DPP6: variants seen among roughly 807,000 people sequenced by gnomAD.
DPP6 encodes the protein A-type potassium channel modulatory protein DPP6.
In DPP6, 69 loss-of-function variants were observed where a neutral mutation model predicts 122.6. That is an observed-to-expected ratio of 0.56 (90% CI 0.46 to 0.69). DPP6 has a LOEUF of 0.69. Ranked by LOEUF, DPP6 falls within the 30% of genes least tolerant of loss-of-function variation. The pLI is 0.00. For synonymous variants in DPP6, 418 were observed against 433.1 expected (o/e 0.97, Z 0.43); for missense variants, 928 against 1,116.9 (o/e 0.83, Z 2.41).
chr7:154,608,320 C>CATAT lies in DPP6; in HGVS notation c.628-29482_628-29479dup, dbSNP rs35662023. ...CATGCTTGCATTTTTTAGGAGTGATCATATATATATATATATATATATTTT... is the reference window on the plus strand; with the variant it reads ...CATGCTTGCATTTTTTAGGAGTGATCATATATATATATATATATATATATATTTT... On this transcript the variant is annotated intron_variant, in intron 5 of 25. Coordinates refer to ENST00000377770, the MANE Select transcript of DPP6 (RefSeq NM_130797.4). 2.0e-4 allele frequency among the ~76,000 whole-genome samples: 18 copies of CATAT among 90,002 alleles called. 1 individual carries two copies. The highest frequency in any genetic ancestry group is 1.1e-3 in the Admixed American group (8 of 7,200). The allele number at this position is 90,002 out of a possible 152,430, so 59.0% of individuals were successfully genotyped here. A position where few individuals can be genotyped will look rare whatever the true frequency, so the allele number is the denominator to read the frequency against.
intron 1 of DPP6, among the ~76,000 whole-genome samples, chr7:154,090,712 T>A (rs1470270166): frequency 6.6e-6 from 1 of 150,890 alleles, no homozygotes; most frequent in Non-Finnish European, 1.5e-5. Context: ...CAGGTGGAAC[T>A]GGTAAGAAAA....
chr7:154,085,070 A>G (rs1804308421), intron 1 of DPP6, among the ~76,000 whole-genome samples: 1 of 152,060 alleles, frequency 6.6e-6, no homozygotes, highest in Admixed American at 6.5e-5. Context: ...TTTACCACAA[A>G]TTCAGAAGAG....
At chr7:154,414,167 G>A (rs541606804) in intron 1 of DPP6, among the ~76,000 whole-genome samples, 11 of 152,234 alleles carry the variant, frequency 7.2e-5, no homozygotes, top group African/African-American at 2.4e-4. Flanking sequence ...GGGAATATTG[G>A]CTTCCAATTT....
chr7:154,764,423 A>G (rs7789351), intron 8 of DPP6, among the ~76,000 whole-genome samples: 88,175 of 151,900 alleles, frequency 0.58, 25,836 homozygotes, highest in Non-Finnish European at 0.61. Flanking sequence ...TTAAAGGCGG[A>G]AGACAGGTGT....
At chr7:154,580,360 C>CT (rs1831981527) in intron 5 of DPP6, among the ~76,000 whole-genome samples, 2 of 152,272 alleles carry the variant, frequency 1.3e-5, no homozygotes. Context: ...AGGCAGTGCA[C>CT]TCGGGCATAA....
At chr7:154,872,802 T>C in intron 19 of DPP6, 109 bp downstream of exon 19, 2 of 1,531,260 alleles carry the variant, frequency 1.3e-6, no homozygotes, top group Non-Finnish European at 1.8e-6. Context: ...AGAAATGACA[T>C]TGTTGCAAAC....
intron 1 of DPP6, among the ~76,000 whole-genome samples, chr7:153,996,396 T>A (rs1410112241): frequency 6.6e-6 from 1 of 152,122 alleles, no homozygotes; most frequent in Non-Finnish European, 1.5e-5. Context: ...CTAAAAATTC[T>A]GGGCCTATCC....
chr7:154,077,154 A>G (rs539209058), intron 1 of DPP6, among the ~76,000 whole-genome samples: 77 of 152,340 alleles, frequency 5.1e-4, no homozygotes, highest in Middle Eastern at 6.8e-3. Context: ...CTATTTGACT[A>G]AGGTGATTTA....
At chr7:153,819,042 G>A in the DPP6 span, among the ~76,000 whole-genome samples, 14 of 116,902 alleles carry the variant, frequency 1.2e-4, 1 homozygote, top group East Asian at 2.5e-3. Context: ...GAGCCACCGC[G>A]CCTGGCCTTT....
chr7:154,479,434 T>G (rs1297136598), intron 3 of DPP6, among the ~76,000 whole-genome samples: 1 of 151,702 alleles, frequency 6.6e-6, no homozygotes, highest in Non-Finnish European at 1.5e-5. Flanking sequence ...AGGGCACACC[T>G]GTAGTCCCAG....
At chr7:154,529,183 A>G (rs1436294399) in intron 3 of DPP6, among the ~76,000 whole-genome samples, 1 of 152,206 alleles carries the variant, frequency 6.6e-6, no homozygotes, top group Non-Finnish European at 1.5e-5. Context: ...AAGACAGGTG[A>G]TTTGAGAAGG....
intron 7 of DPP6, among the ~76,000 whole-genome samples, chr7:154,691,282 G>T (rs1839917695): frequency 6.6e-6 from 1 of 152,174 alleles, no homozygotes; most frequent in Non-Finnish European, 1.5e-5. Context: ...CCGATGAGGA[G>T]CATGATTTTG....
the DPP6 span, among the ~76,000 whole-genome samples, chr7:153,808,395 CTGTG>C: frequency 5.4e-5 from 8 of 147,718 alleles, no homozygotes; most frequent in East Asian, 1.6e-3. Flanking sequence ...GCGTGTGTGC[CTGTG>C]TGTGTGCCTG....
chr7:154,845,124 GTCAT>G (rs1209714388), intron 16 of DPP6, among the ~76,000 whole-genome samples: 3 of 152,172 alleles, frequency 2.0e-5, no homozygotes, highest in African/African-American at 7.2e-5. Flanking sequence ...AGCTTGGGAG[GTCAT>G]TCATTCATTA....
intron 1 of DPP6, among the ~76,000 whole-genome samples, chr7:154,424,119 T>G (rs1434304812): frequency 6.6e-6 from 1 of 152,226 alleles, no homozygotes; most frequent in Non-Finnish European, 1.5e-5. Flanking sequence ...GAGGTGCAAG[T>G]GTACCATAGG....
chr7:154,232,689 C>T (rs1377963607), intron 1 of DPP6, among the ~76,000 whole-genome samples: 16 of 152,178 alleles, frequency 1.1e-4, no homozygotes, highest in Admixed American at 1.0e-3. Context: ...AGCCTTTTGT[C>T]CTGCCAGGCA....
In DPP6 at chr7:154,282,019, C is replaced by T. The variant is rs1385576063; in HGVS notation, c.244-164195C>T. Among the ~76,000 whole-genome samples, 1 of 152,090 alleles carries T rather than the reference C, an allele frequency of 6.6e-6. No homozygotes were observed. Among genetic ancestry groups the T allele is most frequent in the African/African-American group, 2.4e-5 (1 of 41,396 alleles). Reference sequence around the variant, plus strand: ...TTGTGACTCTAGCTTAGTGACTTAACCTTTCAACACCTCTGTTTCCTCCCC... The same window carrying T: ...TTGTGACTCTAGCTTAGTGACTTAATCTTTCAACACCTCTGTTTCCTCCCC... On this transcript the variant is annotated intron_variant, in intron 1 of 25. Coordinates refer to ENST00000377770, the MANE Select transcript of DPP6 (RefSeq NM_130797.4). This position sits in a 1 kb window ranked among gnomAD's most constrained non-coding sequence, Gnocchi z 4.8.
Position 154,760,390 on chromosome 7 carries a change from A to T in DPP6, c.884-9027A>T, listed in dbSNP as rs150135923. 6.6e-6 allele frequency among the ~76,000 whole-genome samples: 1 copy of T among 151,950 alleles called. No homozygotes were observed. The highest frequency in any genetic ancestry group is 1.5e-5 in the Non-Finnish European group (1 of 68,012). On this transcript the variant is annotated intron_variant, in intron 8 of 25. Coordinates refer to ENST00000377770, the MANE Select transcript of DPP6 (RefSeq NM_130797.4). The surrounding 1 kb of genome is among the most constrained non-coding windows in gnomAD (Gnocchi z 4.5). The stretch of plus-strand genomic sequence containing the variant: ...TTCAGTCCATGACATCAGCAAGCTC[A>T]TTCTGCACAGACCCCAGTTGACCAA...
chr7:154,378,146 G>T (rs897657279), intron 1 of DPP6, among the ~76,000 whole-genome samples: 1 of 152,164 alleles, frequency 6.6e-6, no homozygotes, highest in Non-Finnish European at 1.5e-5. Flanking sequence ...CAATGGTGGG[G>T]CCACTCAAAT....
Sources: gnomAD v4.1 joint callset for allele counts (sites outside exome capture counted in the v4.1 genomes callset) on GRCh38, gnomAD v4.1.1 for gene constraint, Gnocchi (gnomAD v3.1) non-coding constraint, MANE v1.5 for transcripts, NCBI Gene and HGNC (gene_info 2026-07-23, HGNC 2026-07-21) for gene names.